ZNF8: variants seen among roughly 807,000 people sequenced by gnomAD.
The protein encoded by ZNF8 is zinc finger protein 8, also known as zinc finger protein 272.
In ZNF8, 9 loss-of-function variants were observed where a neutral mutation model predicts 12.2. The observed-to-expected ratio is 0.73, with a 90% CI of 0.44 to 1.28. The LOEUF is 1.28. Ranked by LOEUF, ZNF8 falls within the 50% of genes most tolerant of loss-of-function variation. ZNF8 has a pLI of 0.00. For synonymous variants in ZNF8, 274 were observed against 282.3 expected (o/e 0.97, Z 0.30); for missense variants, 664 against 729.1 (o/e 0.91, Z 1.03).
intron 3 of ZNF8, among the ~76,000 whole-genome samples, chr19:58,290,998 C>CAGTCTGGGTGACA (rs1163602330): frequency 3.9e-5 from 6 of 152,284 alleles, no homozygotes; most frequent in Admixed American, 6.5e-5. Flanking sequence ...CACTGCACTT[C>CAGTCTGGGTGACA]AGTCTGGGTG....
chr19:58,295,679 C>A lies in ZNF8; in HGVS notation c.*143C>A. 1.3e-6 allele frequency: 1 copy of A among 760,382 alleles called. No homozygotes were observed. 47.1% of individuals were successfully genotyped at this position (760,382 alleles called of 1,614,324 possible). On this transcript the variant is annotated 3_prime_UTR_variant, in exon 4 of 4. Coordinates refer to ENST00000621650, the MANE Select transcript of ZNF8 (RefSeq NM_021089.3). ...AAGGAAATGATGCTTCCCAAGCACCCGAGGTTGGTTGGTCCCAAATCTATC... is the reference window on the plus strand; with the variant it reads ...AAGGAAATGATGCTTCCCAAGCACCAGAGGTTGGTTGGTCCCAAATCTATC...
intron 3 of ZNF8, among the ~76,000 whole-genome samples, chr19:58,288,490 C>G (rs2147957264): frequency 6.6e-6 from 1 of 152,254 alleles, no homozygotes; most frequent in South Asian, 2.1e-4. Context: ...TTTGGCAGAA[C>G]TCTAGATGTC....
chr19:58,284,771 C>T (rs565737065), intron 1 of ZNF8, among the ~76,000 whole-genome samples: 1 of 152,172 alleles, frequency 6.6e-6, no homozygotes, highest in South Asian at 2.1e-4. Flanking sequence ...ATCACTTGAA[C>T]CTGGGAGGCA....
Position 58,296,212 on chromosome 19 carries a change from T to A in ZNF8, c.*676T>A, listed in dbSNP as rs1210248268. ...ACTGCTTATTCCACATCTGTTGATGTGGTCCACTGGGGGCAGTTCTGTTCC... is the reference window on the plus strand; with the variant it reads ...ACTGCTTATTCCACATCTGTTGATGAGGTCCACTGGGGGCAGTTCTGTTCC... On this transcript the variant is annotated 3_prime_UTR_variant, in exon 4 of 4. Transcript: ENST00000621650. The A allele has an allele frequency of 6.6e-6, 1 of 152,286 alleles. No individual in the cohort carries two copies. Among genetic ancestry groups the A allele is most frequent in the African/African-American group, 2.4e-5 (1 of 41,452 alleles). 9.4% of individuals were successfully genotyped at this position (152,286 alleles called of 1,614,324 possible). A position where few individuals can be genotyped will look rare whatever the true frequency, so the allele number is the denominator to read the frequency against.
At chr19:58,293,177 G>A (rs2051430559) in intron 3 of ZNF8, among the ~76,000 whole-genome samples, 1 of 152,134 alleles carries the variant, frequency 6.6e-6, no homozygotes, top group Non-Finnish European at 1.5e-5. Flanking sequence ...GACCTCAAGT[G>A]ATCCTCCAGC....
rs548274828 is a variant in ZNF8 at position 58,281,262 on chromosome 19, A to G, written c.66+2115A>G. Among the ~76,000 whole-genome samples the G allele has an allele frequency of 2.4e-3, 367 of 152,216 alleles. 4 individuals carry two copies. Among genetic ancestry groups the G allele is most frequent in the African/African-American group, 8.3e-3 (346 of 41,526 alleles). ...CTGGCAGCTCAACTAAGGCAGTGGG[A>G]AAAAGAGAGGAGTGGTTAGGCCCAG... On this transcript the variant is annotated intron_variant, in intron 1 of 3. Coordinates refer to ENST00000621650, the MANE Select transcript of ZNF8 (RefSeq NM_021089.3).
Position 58,295,127 on chromosome 19 carries a change from C to G in ZNF8, c.1319C>G (p.Thr440Arg), listed in dbSNP as rs369284696. The change falls in exon 4 of 4, where the codon ACA becomes AGA. Residue 440 changes from threonine to arginine, a missense_variant. Transcript: ENST00000621650. Reference protein sequence around the residue: ...RLIFEQTPALTKHEWTEALGC... With the variant: ...RLIFEQTPALRKHEWTEALGC... ...ATCTTTGAGCAGACGCCAGCTCTCA[C>G]AAAGCATGAATGGACAGAAGCCCTG... 2 of 1,614,026 alleles carry G rather than the reference C, an allele frequency of 1.2e-6. No individual in the cohort carries two copies.
intron 1 of ZNF8, among the ~76,000 whole-genome samples, chr19:58,282,655 T>A (rs2051357720): frequency 6.6e-6 from 1 of 151,772 alleles, no homozygotes; most frequent in Non-Finnish European, 1.5e-5. Flanking sequence ...TGAGATGGAG[T>A]CTCACTGTGT....
At chr19:58,284,148 C>T (rs1339943003) in intron 1 of ZNF8, among the ~76,000 whole-genome samples, 5 of 151,882 alleles carry the variant, frequency 3.3e-5, no homozygotes, top group Admixed American at 6.6e-5. Context: ...CAACTGAATC[C>T]GGGAGGCAGA....
rs369284696 is a variant in ZNF8 at position 58,295,127 on chromosome 19, C to A, written c.1319C>A (p.Thr440Lys). The A allele has an allele frequency of 1.9e-5, 30 of 1,613,908 alleles. No homozygotes were observed. In the African/African-American group the frequency reaches 3.5e-4, roughly 19 times the overall value. ...ATCTTTGAGCAGACGCCAGCTCTCA[C>A]AAAGCATGAATGGACAGAAGCCCTG... is the stretch of plus-strand genomic sequence containing the variant. ...RLIFEQTPALTKHEWTEALGC... is the reference protein window; with the variant it reads ...RLIFEQTPALKKHEWTEALGC... Residue 440 changes from threonine (T) to lysine (K), a missense_variant, in exon 4 of 4, where the codon ACA (threonine) becomes AAA (lysine). Transcript: ENST00000621650.
In ZNF8 at chr19:58,293,824, A is replaced by G. The variant is rs78782032; in HGVS notation, c.290-274A>G. ...TTCTGTGTTCCAGAACTATAAGATA[A>G]TAAGTGTGTTTTAAGTTACAGCAGC... On this transcript the variant is annotated intron_variant, in intron 3 of 3. Coordinates refer to ENST00000621650, the MANE Select transcript of ZNF8 (RefSeq NM_021089.3). 7.1e-3 allele frequency among the ~76,000 whole-genome samples: 1,078 copies of G among 152,314 alleles called. 11 individuals carry two copies. Among genetic ancestry groups the G allele is most frequent in the African/African-American group, 0.024 (996 of 41,558 alleles).
rs1047771095 is a variant in ZNF8, at chr19:58,301,072, G to A, written c.*5536G>A. 1 of 152,260 alleles carries A rather than the reference G, an allele frequency of 6.6e-6. No homozygotes were observed. Among genetic ancestry groups the A allele is most frequent in the South Asian group, 2.1e-4 (1 of 4,826 alleles). The allele number at this position is 152,260 out of a possible 1,614,324, so 9.4% of individuals were successfully genotyped here. On this transcript the variant is annotated 3_prime_UTR_variant, in exon 4 of 4. Coordinates refer to ENST00000621650, the MANE Select transcript of ZNF8 (RefSeq NM_021089.3). ...CTGCTCACCACCAAATCAGTCTGGT[G>A]CTTCTGAGATTTGGGCTTCAGACCC...
intron 3 of ZNF8, chr19:58,286,916 T>C (rs1275102733): frequency 6.6e-6 from 1 of 152,400 alleles, no homozygotes; most frequent in African/African-American, 2.4e-5. Context: ...CATCTTCCCT[T>C]ATAGGTTCCA....
intron 1 of ZNF8, chr19:58,279,857 G>A (rs1434381864): frequency 7.7e-7 from 1 of 1,292,562 alleles, no homozygotes; most frequent in East Asian, 4.7e-5. Flanking sequence ...CCTTCCTCAA[G>A]CTCTGCAACT....
chr19:58,289,173 CAA>C (rs2051402222), intron 3 of ZNF8, among the ~76,000 whole-genome samples: 1 of 152,144 alleles, frequency 6.6e-6, no homozygotes, highest in Non-Finnish European at 1.5e-5. Context: ...GCTCCTGTAA[CAA>C]AGTACCACAA....
At position 58,286,216 on chromosome 19, in the gene ZNF8, A is replaced by AC; in HGVS notation, c.289+12dup. ...AGGGCTGCCATCCAGGTGAGAACCC[A>AC]CTATGTGGGAGCAGCTAATGGGAGC... On this transcript the variant is annotated intron_variant, in intron 3 of 3. Transcript: ENST00000621650. 6.5e-7 allele frequency: 1 copy of AC among 1,531,510 alleles called. No individual in the cohort carries two copies. Among genetic ancestry groups the AC allele is most frequent in the Non-Finnish European group, 8.9e-7 (1 of 1,128,626 alleles). 94.9% of individuals were successfully genotyped at this position (1,531,510 alleles called of 1,614,324 possible).
chr19:58,299,740 G>C lies in ZNF8; in HGVS notation c.*4204G>C, dbSNP rs951018155. On this transcript the variant is annotated 3_prime_UTR_variant, in exon 4 of 4. Transcript: ENST00000621650. ...GCTGAGATAGTGCCTCTGCACTCCA[G>C]CCTGGGTGACAGAGCTAGACTCCAT... The C allele has an allele frequency of 2.0e-5, 3 of 151,978 alleles. No homozygotes were observed. The highest frequency in any genetic ancestry group is 7.2e-5 in the African/African-American group (3 of 41,390). 9.4% of individuals were successfully genotyped at this position (151,978 alleles called of 1,614,324 possible).
At chr19:58,286,263 T>C in intron 3 of ZNF8, 58 bp downstream of exon 3, 1 of 1,483,026 alleles carries the variant, frequency 6.7e-7, no homozygotes, top group Non-Finnish European at 9.3e-7. Context: ...TCACTGGAGA[T>C]GCACTTCATG....
At position 58,294,422 on chromosome 19, in the gene ZNF8, C is replaced by T; in HGVS notation, c.614C>T (p.Ser205Leu). 1 of 1,614,078 alleles carries T rather than the reference C, an allele frequency of 6.2e-7. No homozygotes were observed. Among genetic ancestry groups the T allele is most frequent in the Non-Finnish European group, 8.5e-7 (1 of 1,180,026 alleles). The change falls in exon 4 of 4, where the codon TCA becomes TTA. Residue 205 changes from serine to leucine, a missense_variant. Ser to Leu is a moderately radical substitution (Grantham distance 145). Coordinates refer to ENST00000621650, the MANE Select transcript of ZNF8 (RefSeq NM_021089.3). This position sits in a 1 kb window ranked among gnomAD's most constrained non-coding sequence, Gnocchi z 5.5. ...GGGGAGTATTTGTATACTTACGACT[C>T]ACAGATTACAGACTCAGAACATAAC... ...SRGEYLYTYD[S>L]QITDSEHNSS...
Sources: gnomAD v4.1 joint callset for allele counts (sites outside exome capture counted in the v4.1 genomes callset) on GRCh38, gnomAD v4.1.1 for gene constraint, Gnocchi (gnomAD v3.1) non-coding constraint, MANE v1.5 for transcripts, NCBI Gene and HGNC (gene_info 2026-07-23, HGNC 2026-07-21) for gene names.